The following TLL1 variants were observed in gnomAD, a reference collection of about 807,000 sequenced individuals.
The protein encoded by TLL1 is tolloid like 1.
In TLL1, 49 loss-of-function variants were observed where a neutral mutation model predicts 128.2. The ratio of observed to expected loss-of-function variants is 0.38; its 90% CI spans 0.30 to 0.48. The LOEUF (loss-of-function observed/expected upper bound fraction) is 0.48. TLL1 is among the 20% of genes least tolerant of loss of function. The pLI is 0.96. For synonymous variants in TLL1, 454 were observed against 418.8 expected, an observed-to-expected ratio of 1.08 and a Z score of -1.03; for missense variants, 1,123 against 1,242.0, an observed-to-expected ratio of 0.90 and a Z score of 1.44.
chr4:166,046,975 A>G (rs527924400), intron 12 of TLL1, among the ~76,000 whole-genome samples: 58 of 152,098 alleles, frequency 3.8e-4, no homozygotes, highest in African/African-American at 1.4e-3. Flanking sequence ...ATCTGTTTAT[A>G]TCAATTTTTT....
At chr4:166,092,739 A>G (rs1342099260) in intron 19 of TLL1, among the ~76,000 whole-genome samples, 2 of 151,586 alleles carry the variant, frequency 1.3e-5, no homozygotes, top group Non-Finnish European at 2.9e-5. Flanking sequence ...ATTTTTTCTT[A>G]GTTTTATAAA....
intron 14 of TLL1, among the ~76,000 whole-genome samples, chr4:166,059,769 T>C (rs919747419): frequency 6.6e-6 from 1 of 152,082 alleles, no homozygotes; most frequent in Non-Finnish European, 1.5e-5. Context: ...TTGCTCCCCC[T>C]ACTTTAAAGT....
At chr4:165,984,539 G>T (rs1736312006) in intron 1 of TLL1, among the ~76,000 whole-genome samples, 1 of 151,896 alleles carries the variant, frequency 6.6e-6, no homozygotes, top group South Asian at 2.1e-4. Context: ...GGTCAGAGCA[G>T]CCTTTTCAGA....
chr4:165,992,724 C>A, intron 2 of TLL1, 80 bp from the exon 3 acceptor site: 1 of 1,261,864 alleles, frequency 7.9e-7, no homozygotes, highest in South Asian at 1.2e-5. Context: ...AAAGAGAAAT[C>A]ATTGTTGCCT....
intron 12 of TLL1, among the ~76,000 whole-genome samples, chr4:166,049,109 A>G (rs1398631369): frequency 1.3e-5 from 2 of 152,216 alleles, no homozygotes; most frequent in Non-Finnish European, 2.9e-5. Context: ...TTAGCTGAGA[A>G]TATATTTTAG....
At chr4:165,967,820 C>T (rs1264275827) in intron 1 of TLL1, among the ~76,000 whole-genome samples, 1 of 152,058 alleles carries the variant, frequency 6.6e-6, no homozygotes, top group Non-Finnish European at 1.5e-5. Flanking sequence ...AGGAGTAGAG[C>T]AATGCAAAGC....
At chr4:166,026,218 G>T (rs1377841834) in intron 9 of TLL1, among the ~76,000 whole-genome samples, 1 of 150,818 alleles carries the variant, frequency 6.6e-6, no homozygotes, top group Admixed American at 6.6e-5. Context: ...ATGAAACCCT[G>T]TCTCTACTAA....
In TLL1 at chr4:165,961,011, T is replaced by C. The variant is rs375731126; in HGVS notation, c.170-28370T>C. ...GAGAAAGAAATAACAGGCATCTAAG[T>C]AGGAAATGAAGTGAAGTTATGTCTC... On this transcript the variant is annotated intron_variant, in intron 1 of 20. Coordinates refer to ENST00000061240, the MANE Select transcript of TLL1 (RefSeq NM_012464.5). Among the ~76,000 whole-genome samples, 12 of 151,978 alleles carry C rather than the reference T, an allele frequency of 7.9e-5. No individual in the cohort carries two copies. The East Asian group carries it at 9.7e-4, about 12-fold the overall frequency.
chr4:166,065,560 C>G, intron 15 of TLL1, 123 bp from the exon 16 acceptor site: 4 of 1,011,350 alleles, frequency 4.0e-6, no homozygotes, highest in Non-Finnish European at 4.4e-6. Context: ...TTTTCCTTAC[C>G]TGTTAGTTCT....
chr4:165,990,662 G>T (rs1343516967), intron 2 of TLL1, among the ~76,000 whole-genome samples: 1 of 151,768 alleles, frequency 6.6e-6, no homozygotes, highest in South Asian at 2.1e-4. Flanking sequence ...TGCAGAAAAC[G>T]CACTTTAATA....
At chr4:166,098,408 T>C (rs1185711938) in intron 19 of TLL1, among the ~76,000 whole-genome samples, 2 of 151,972 alleles carry the variant, frequency 1.3e-5, no homozygotes, top group Admixed American at 6.6e-5. Flanking sequence ...TGAAACCTTT[T>C]ATTCTCTAAA....
At chr4:165,925,051 G>C (rs10007421) in intron 1 of TLL1, among the ~76,000 whole-genome samples, 84,442 of 152,134 alleles carry the variant, frequency 0.56, 26,078 homozygotes, top group East Asian at 0.98. Context: ...TGGCAATGTA[G>C]CTTGTCACTC....
intron 13 of TLL1, 58 bp from the exon 14 acceptor site, chr4:166,057,126 C>G: frequency 6.3e-7 from 1 of 1,597,310 alleles, no homozygotes; most frequent in Non-Finnish European, 8.6e-7. Flanking sequence ...CAAACCATTT[C>G]ACATACATAC....
At chr4:165,934,032 CT>C (rs1443807409) in intron 1 of TLL1, among the ~76,000 whole-genome samples, 14 of 152,132 alleles carry the variant, frequency 9.2e-5, no homozygotes, top group African/African-American at 3.4e-4. Context: ...GAGTTTTGCT[CT>C]TATTGCCCAG....
At chr4:165,991,716 A>G (rs1261152832) in intron 2 of TLL1, among the ~76,000 whole-genome samples, 1 of 151,958 alleles carries the variant, frequency 6.6e-6, no homozygotes, top group Non-Finnish European at 1.5e-5. Context: ...ATTTTAAATA[A>G]AAAAATAGAT....
At chr4:165,895,578 T>C (rs1731630862) in intron 1 of TLL1, among the ~76,000 whole-genome samples, 1 of 137,432 alleles carries the variant, frequency 7.3e-6, no homozygotes, top group Non-Finnish European at 1.5e-5. Flanking sequence ...CAATGTTCTC[T>C]AACTTGATCT....
At chr4:165,949,936 C>T (rs1734430103) in intron 1 of TLL1, among the ~76,000 whole-genome samples, 1 of 151,996 alleles carries the variant, frequency 6.6e-6, no homozygotes, top group African/African-American at 2.4e-5. Context: ...TATTAATAAC[C>T]ACATTAAATG....
chr4:166,050,063 A>G (rs1222904792), intron 12 of TLL1, among the ~76,000 whole-genome samples: 5 of 152,172 alleles, frequency 3.3e-5, no homozygotes, highest in African/African-American at 1.2e-4. Flanking sequence ...AAATATACAT[A>G]ACATAAAATT....
chr4:166,036,367 C>A (rs907869864), intron 9 of TLL1, among the ~76,000 whole-genome samples: 1 of 152,190 alleles, frequency 6.6e-6, no homozygotes, highest in Admixed American at 6.5e-5. Context: ...TTCCCTCAAT[C>A]TCATACTCCA....
Sources: allele counts gnomAD v4.1 joint callset (sites outside exome capture counted in the v4.1 genomes callset), GRCh38; gene constraint gnomAD v4.1.1; transcripts MANE v1.5; gene names NCBI Gene and HGNC (gene_info 2026-07-23, HGNC 2026-07-21).